WDFY3: variants seen among roughly 807,000 people sequenced by gnomAD.
WDFY3 encodes WD repeat and FYVE domain containing 3, also known as WD repeat and FYVE domain-containing protein 3.
In WDFY3, 66 loss-of-function variants were observed where a neutral mutation model predicts 409.6. The ratio of observed to expected loss-of-function variants is 0.16; its 90% confidence interval spans 0.13 to 0.20. WDFY3 has a LOEUF of 0.20. Among genes scored for constraint, WDFY3 ranks in the 10% least tolerant of loss-of-function variants. WDFY3 has a pLI of 1.00. For synonymous variants in WDFY3, 1,521 were observed against 1,537.1 expected (o/e 0.99, Z 0.25); for missense variants, 3,031 against 4,298.1 (o/e 0.71, Z 8.24).
At chr4:84,680,402 G>A (rs181034165) in intron 64 of WDFY3, among the ~76,000 whole-genome samples, 5 of 152,278 alleles carry the variant, frequency 3.3e-5, no homozygotes, top group Admixed American at 2.6e-4. Context: ...GAATCTGCCC[G>A]CCTCAGCCTT....
chr4:84,742,665 G>T (rs888960385), intron 37 of WDFY3, among the ~76,000 whole-genome samples: 2 of 152,090 alleles, frequency 1.3e-5, no homozygotes, highest in Non-Finnish European at 2.9e-5. Context: ...ATTCTCATTG[G>T]AGTGCAAGCC....
rs141322772 is a variant in WDFY3, at chr4:84,889,317, T to C, written c.-32+7594A>G. The stretch of plus-strand genomic sequence containing the variant: ...TGCAGTCTTTTGTCTGAGCAATATA[T>C]TTTGTGCATGATATTACACATCTGC... On this transcript the variant is annotated intron_variant, in intron 3 of 67. Transcript: ENST00000295888. Among the ~76,000 whole-genome samples, 655 of 152,328 alleles carry C rather than the reference T, an allele frequency of 4.3e-3. 4 individuals carry two copies. Among genetic ancestry groups the C allele is most frequent in the African/African-American group, 0.015 (614 of 41,580 alleles).
chr4:84,794,277 G>C (rs1393100862), intron 21 of WDFY3, among the ~76,000 whole-genome samples: 1 of 152,110 alleles, frequency 6.6e-6, no homozygotes, highest in Admixed American at 6.5e-5. Flanking sequence ...GAAAAGCTGT[G>C]ATTTCTTGGC....
chr4:84,913,718 A>G (rs1258640500), intron 2 of WDFY3, among the ~76,000 whole-genome samples: 1 of 152,032 alleles, frequency 6.6e-6, no homozygotes, highest in Non-Finnish European at 1.5e-5. Flanking sequence ...ATGGTGGAAG[A>G]AGGATTGGAA....
chr4:84,795,243 C>T (rs1223644458), intron 19 of WDFY3, among the ~76,000 whole-genome samples: 6 of 152,134 alleles, frequency 3.9e-5, no homozygotes, highest in African/African-American at 1.4e-4. Flanking sequence ...GCAACATACT[C>T]TAACGTATAA....
intron 1 of WDFY3, among the ~76,000 whole-genome samples, chr4:84,951,356 A>G (rs1561147877): frequency 6.6e-6 from 1 of 152,246 alleles, no homozygotes; most frequent in African/African-American, 2.4e-5. Flanking sequence ...CAGAAGTCAC[A>G]GTGGGTTGAA....
At chr4:84,804,273 A>G (rs1287109963) in intron 15 of WDFY3, 1 of 152,166 alleles carries the variant, frequency 6.6e-6, no homozygotes, top group Non-Finnish European at 1.5e-5. Flanking sequence ...GCTTCAGCCT[A>G]TGGGAACTCT....
chr4:84,823,122 C>T (rs1206569874), intron 10 of WDFY3, among the ~76,000 whole-genome samples: 1 of 152,106 alleles, frequency 6.6e-6, no homozygotes, highest in Non-Finnish European at 1.5e-5. Flanking sequence ...GCAATCAAGA[C>T]AGTGTGGTAT....
chr4:84,686,743 T>A (rs200426365), intron 62 of WDFY3, among the ~76,000 whole-genome samples: 1 of 152,176 alleles, frequency 6.6e-6, no homozygotes, highest in African/African-American at 2.4e-5. Context: ...CGGATTTGTA[T>A]ATGGGGCATC....
At chr4:84,958,338 T>C (rs1411385736) in intron 1 of WDFY3, among the ~76,000 whole-genome samples, 1 of 152,242 alleles carries the variant, frequency 6.6e-6, no homozygotes, top group Non-Finnish European at 1.5e-5. Context: ...TGGCATCTCC[T>C]ACCCAGTTTT....
chr4:84,727,004 T>C (rs1379435076), intron 44 of WDFY3, 93 bp from the exon 45 acceptor site: 2 of 1,160,436 alleles, frequency 1.7e-6, no homozygotes, highest in South Asian at 1.4e-5. Flanking sequence ...GTATGAAATA[T>C]GAAAGATGTA....
rs189669406 is a variant in WDFY3 at position 84,894,912 on chromosome 4, G to A, written c.-32+1999C>T. Among the ~76,000 whole-genome samples the A allele has an allele frequency of 2.0e-3, 289 of 147,624 alleles. 1 individual carries two copies. Among genetic ancestry groups the A allele is most frequent in the East Asian group, 7.4e-3 (37 of 5,010 alleles). On this transcript the variant is annotated intron_variant, in intron 3 of 67. Transcript: ENST00000295888. ...TTGCAGTGAGCCAAAATTGCACCAC[G>A]GCACTCCAGGCTGGGCAACAGAGTG...
At chr4:84,829,850 T>TAAATAAATAAATAAATAAA (rs1553975927) in intron 8 of WDFY3, among the ~76,000 whole-genome samples, 2 of 150,294 alleles carry the variant, frequency 1.3e-5, no homozygotes, top group East Asian at 1.9e-4. Context: ...AATAAATAAA[T>TAAATAAATAAATAAATAAA]TAGAGAGACT....
At chr4:84,673,097 G>T in intron 67 of WDFY3, 106 bp from the exon 68 acceptor site, 2 of 1,466,646 alleles carry the variant, frequency 1.4e-6, no homozygotes, top group Non-Finnish European at 9.3e-7. Flanking sequence ...AATGCCAAAG[G>T]CCATACTGGT....
intron 3 of WDFY3, among the ~76,000 whole-genome samples, chr4:84,883,529 C>T (rs1763814815): frequency 6.6e-6 from 1 of 152,130 alleles, no homozygotes; most frequent in Non-Finnish European, 1.5e-5. Context: ...CAGTGAGGAA[C>T]TATTTCCTAG....
intron 3 of WDFY3, among the ~76,000 whole-genome samples, chr4:84,887,572 A>G (rs1764400277): frequency 6.6e-6 from 1 of 152,320 alleles, no homozygotes; most frequent in South Asian, 2.1e-4. Context: ...CAGGAAATAT[A>G]GCCTTAATAT....
chr4:84,710,021 C>T (rs1055413634), intron 51 of WDFY3, among the ~76,000 whole-genome samples: 1 of 152,124 alleles, frequency 6.6e-6, no homozygotes, highest in African/African-American at 2.4e-5. Context: ...AGTGCTTGGC[C>T]TTCTTTTTCT....
intron 58 of WDFY3, among the ~76,000 whole-genome samples, chr4:84,695,611 A>G (rs967900782): frequency 2.6e-5 from 4 of 151,822 alleles, no homozygotes; most frequent in African/African-American, 9.7e-5. Flanking sequence ...AAGTTTAAAT[A>G]TGACCATGTC....
intron 3 of WDFY3, among the ~76,000 whole-genome samples, chr4:84,894,696 G>C (rs1765387236): frequency 6.6e-6 from 1 of 151,830 alleles, no homozygotes; most frequent in African/African-American, 2.4e-5. Context: ...TGAGACAAGA[G>C]AATTGCTTCA....
Sources: gnomAD v4.1 joint callset for allele counts (sites outside exome capture counted in the v4.1 genomes callset) on GRCh38, gnomAD v4.1.1 for gene constraint, MANE v1.5 for transcripts, NCBI Gene and HGNC (gene_info 2026-07-23, HGNC 2026-07-21) for gene names.